The following C10orf67 variants were observed in gnomAD, a reference collection of about 807,000 sequenced individuals.
C10orf67 encodes the protein chromosome 10 open reading frame 67.
A neutral mutation model predicts 35.6 loss-of-function variants in C10orf67; 60 were observed. The observed-to-expected ratio is 1.68, with a 90% CI of 1.37 to 2.09. The LOEUF is 2.09. Among genes scored for constraint, C10orf67 ranks in the 30% most tolerant of loss-of-function variants. The pLI is 0.00. For missense variants in C10orf67, 474 were observed against 330.2 expected (o/e 1.44, Z -3.38); for synonymous variants, 167 against 115.8 (o/e 1.44, Z -2.84).
chr10:23,261,236 C>G (rs1052412958), intron 10 of C10orf67, among the ~76,000 whole-genome samples: 2 of 152,140 alleles, frequency 1.3e-5, no homozygotes, highest in African/African-American at 2.4e-5. Context: ...TCAATACCTG[C>G]ATACACACAC....
intron 13 of C10orf67, among the ~76,000 whole-genome samples, chr10:23,226,062 T>C (rs1375761005): frequency 6.6e-6 from 1 of 152,080 alleles, no homozygotes; most frequent in Non-Finnish European, 1.5e-5. Flanking sequence ...TATCCAGGAA[T>C]TGAACTCAGC....
At chr10:23,298,231 G>A (rs893324101) in intron 5 of C10orf67, among the ~76,000 whole-genome samples, 1 of 151,932 alleles carries the variant, frequency 6.6e-6, no homozygotes, top group Non-Finnish European at 1.5e-5. Context: ...CTCCAGCCTG[G>A]GCGACAGAGT....
intron 12 of C10orf67, among the ~76,000 whole-genome samples, chr10:23,246,668 C>T (rs2132150487): frequency 6.6e-6 from 1 of 152,248 alleles, no homozygotes; most frequent in Middle Eastern, 3.4e-3. Context: ...CTGAAAAGTT[C>T]TCACTGCCTA....
At chr10:23,270,584 C>G (rs1270037262) in intron 8 of C10orf67, among the ~76,000 whole-genome samples, 7 of 152,232 alleles carry the variant, frequency 4.6e-5, no homozygotes, top group Non-Finnish European at 5.9e-5. Context: ...CAGCTTTGTT[C>G]TGCAGGCCCC....
chr10:23,304,045 G>T (rs904080154), intron 4 of C10orf67, among the ~76,000 whole-genome samples: 7 of 152,158 alleles, frequency 4.6e-5, no homozygotes, highest in Non-Finnish European at 1.0e-4. Flanking sequence ...ACATTCACCT[G>T]TACCTCTGGT....
chr10:23,216,466 C>A (rs1841433512), intron 15 of C10orf67, among the ~76,000 whole-genome samples: 1 of 152,056 alleles, frequency 6.6e-6, no homozygotes, highest in Non-Finnish European at 1.5e-5. Flanking sequence ...AGTAAAGTTA[C>A]TAGAACTCAG....
chr10:23,283,688 G>A (rs1446240985), intron 7 of C10orf67, among the ~76,000 whole-genome samples: 3 of 152,010 alleles, frequency 2.0e-5, no homozygotes, highest in East Asian at 3.9e-4. Flanking sequence ...GTGCTTTTGC[G>A]TGGTACTTAG....
chr10:23,335,229 C>T (rs1191359561), intron 1 of C10orf67, among the ~76,000 whole-genome samples: 1 of 151,620 alleles, frequency 6.6e-6, no homozygotes, highest in Non-Finnish European at 1.5e-5. Flanking sequence ...TGACTGATGA[C>T]TTTGCTCAGC....
At chr10:23,265,341 C>T (rs908382482) in intron 10 of C10orf67, among the ~76,000 whole-genome samples, 1 of 152,208 alleles carries the variant, frequency 6.6e-6, no homozygotes, top group Non-Finnish European at 1.5e-5. Context: ...CAATTCTGTT[C>T]CACTCCTCCA....
rs1564478454 is a variant in C10orf67 at position 23,264,267 on chromosome 10, T to C, written c.1200+1995A>G. Among the ~76,000 whole-genome samples the C allele has an allele frequency of 2.0e-5, 3 of 152,128 alleles. No homozygotes were observed. In the South Asian group the frequency reaches 6.2e-4, roughly 32 times the overall value. ...AGGGAGCGCTTAGAACAATAGGATA[T>C]TACACTTAACAAAGTGTAAGTGACG... On this transcript the variant is annotated intron_variant, in intron 10 of 15. Transcript: ENST00000636213.
intron 13 of C10orf67, among the ~76,000 whole-genome samples, chr10:23,227,068 G>T (rs1841761841): frequency 6.6e-6 from 1 of 152,128 alleles, no homozygotes; most frequent in African/African-American, 2.4e-5. Context: ...GAAAAAGAGG[G>T]AATCCTCCCT....
intron 4 of C10orf67, among the ~76,000 whole-genome samples, chr10:23,304,845 C>T (rs919888318): frequency 1.3e-5 from 2 of 152,180 alleles, no homozygotes; most frequent in African/African-American, 4.8e-5. Flanking sequence ...CTTTACCCAG[C>T]ACCAACTCTA....
intron 10 of C10orf67, among the ~76,000 whole-genome samples, chr10:23,259,130 A>G (rs1056788949): frequency 1.3e-5 from 2 of 152,200 alleles, no homozygotes; most frequent in African/African-American, 4.8e-5. Flanking sequence ...TTTTCAAACT[A>G]CAGAGCAAGT....
rs1279353504 is a variant in C10orf67 at position 23,245,994 on chromosome 10, C to T, written c.1346+4461G>A. Among the ~76,000 whole-genome samples, 3 of 152,118 alleles carry T rather than the reference C, an allele frequency of 2.0e-5. No homozygotes were observed. The East Asian group carries it at 5.8e-4, about 29-fold the overall frequency. ...AAACTGGATAAAAAAATACGGTACACATATGCGATGGAATACTGCACAGTC... is the reference window on the plus strand; with the variant it reads ...AAACTGGATAAAAAAATACGGTACATATATGCGATGGAATACTGCACAGTC... On this transcript the variant is annotated intron_variant, in intron 12 of 15. Transcript: ENST00000636213.
chr10:23,220,018 AG>A (rs1841536487), intron 15 of C10orf67, among the ~76,000 whole-genome samples: 1 of 152,106 alleles, frequency 6.6e-6, no homozygotes, highest in African/African-American at 2.4e-5. Flanking sequence ...CAAAAAATAA[AG>A]AAATTAGCTT....
intron 2 of C10orf67, among the ~76,000 whole-genome samples, chr10:23,330,983 CT>C (rs1845424219): frequency 9.3e-6 from 1 of 107,506 alleles, no homozygotes; most frequent in Non-Finnish European, 1.9e-5. Flanking sequence ...GGGAGGGAAA[CT>C]GGTAAGGGAG....
intron 13 of C10orf67, among the ~76,000 whole-genome samples, chr10:23,227,071 T>G (rs1312112678): frequency 6.6e-6 from 1 of 152,076 alleles, no homozygotes; most frequent in Non-Finnish European, 1.5e-5. Context: ...AAAGAGGGAA[T>G]CCTCCCTAAC....
chr10:23,266,189 G>T (rs1471579611), intron 10 of C10orf67, 73 bp downstream of exon 10: 2 of 397,546 alleles, frequency 5.0e-6, no homozygotes, highest in Non-Finnish European at 8.9e-6. Flanking sequence ...AGGCCTCATG[G>T]ATAGGGCTAA....
chr10:23,305,625 T>C (rs1564500531), intron 4 of C10orf67, among the ~76,000 whole-genome samples: 1 of 152,192 alleles, frequency 6.6e-6, no homozygotes, highest in Non-Finnish European at 1.5e-5. Context: ...ATTACCTCAT[T>C]ATGATAAGAA....
Sources: allele counts gnomAD v4.1 joint callset (sites outside exome capture counted in the v4.1 genomes callset), GRCh38; gene constraint gnomAD v4.1.1; transcripts MANE v1.5; gene names NCBI Gene and HGNC (gene_info 2026-07-23, HGNC 2026-07-21).